Variants in CTNND1 observed in about 807,000 individuals in gnomAD.
CTNND1 encodes catenin delta-1.
Under a neutral mutation model 112.1 loss-of-function variants are expected in CTNND1, and 16 were observed. The observed-to-expected ratio is 0.14, with a 90% CI of 0.10 to 0.22. CTNND1 has a LOEUF of 0.22. CTNND1 is among the 10% of genes least tolerant of loss of function. The probability of loss-of-function intolerance (pLI) is 1.00; values close to 1 mark genes in which losing one functional copy is unlikely to be tolerated. For synonymous variants in CTNND1, 420 were observed against 446.5 expected (o/e 0.94, Z 0.75); for missense variants, 1,008 against 1,257.0 (o/e 0.80, Z 3.00).
intron 1 of CTNND1, among the ~76,000 whole-genome samples, chr11:57,779,226 C>G (rs988091866): frequency 1.3e-5 from 2 of 152,168 alleles, no homozygotes; most frequent in Non-Finnish European, 2.9e-5. Context: ...CTACTGCATA[C>G]AGATCAGGAG....
At chr11:57,776,871 CTCTG>C (rs1163675345) in intron 1 of CTNND1, among the ~76,000 whole-genome samples, 4 of 152,178 alleles carry the variant, frequency 2.6e-5, no homozygotes, top group African/African-American at 9.7e-5. Flanking sequence ...GTGTTCAGTT[CTCTG>C]TCTGGGGTGT....
rs1269031633 is a variant in CTNND1 at position 57,809,255 on chromosome 11, A to G, written c.2243-19A>G. The G allele has an allele frequency of 6.3e-7, 1 of 1,595,448 alleles. No homozygotes were observed. Among genetic ancestry groups the G allele is most frequent in the Non-Finnish European group, 8.6e-7 (1 of 1,164,466 alleles). ...ACCTGACTTGATCTTTTCTCCCTGC[A>G]TACATTCTTTCTTACTAGGTAAACA... On this transcript the variant is annotated intron_variant, in intron 14 of 20. Coordinates refer to ENST00000399050, the MANE Select transcript of CTNND1 (RefSeq NM_001085458.2).
At position 57,806,459 on chromosome 11, in the gene CTNND1, A is replaced by G; in HGVS notation, c.1877-2A>G. 1 of 1,603,304 alleles carries G rather than the reference A, an allele frequency of 6.2e-7. No homozygotes were observed. The highest frequency in any genetic ancestry group is 8.5e-7 in the Non-Finnish European group (1 of 1,174,186). Reference sequence around the variant, plus strand: ...TTTCTACCTTGGGTGATGCACTGGAAGATGAGTGGTTCTCCAGAGGTGAGT... The same window carrying G: ...TTTCTACCTTGGGTGATGCACTGGAGGATGAGTGGTTCTCCAGAGGTGAGT... On this transcript the variant is annotated splice_acceptor_variant, in intron 10 of 20. Transcript: ENST00000399050. LOFTEE classifies it high-confidence loss of function.
intron 1 of CTNND1, among the ~76,000 whole-genome samples, chr11:57,775,421 T>A (rs1312273057): frequency 6.6e-6 from 1 of 150,662 alleles, no homozygotes; most frequent in Non-Finnish European, 1.5e-5. Flanking sequence ...GACGAGAAGG[T>A]CGTTAATTTG....
At chr11:57,811,047 C>CAG in intron 16 of CTNND1, among the ~76,000 whole-genome samples, 1 of 152,082 alleles carries the variant, frequency 6.6e-6, no homozygotes, top group South Asian at 2.1e-4. Context: ...CTCAGGTATC[C>CAG]CTCTATGTCA....
At chr11:57,811,687 A>G (rs913149845) in intron 17 of CTNND1, among the ~76,000 whole-genome samples, 1 of 152,254 alleles carries the variant, frequency 6.6e-6, no homozygotes, top group Non-Finnish European at 1.5e-5. Context: ...ATTAGCCTGA[A>G]TGTGATTCCT....
At chr11:57,763,534 C>G (rs1197528788) in intron 1 of CTNND1, among the ~76,000 whole-genome samples, 1 of 152,122 alleles carries the variant, frequency 6.6e-6, no homozygotes, top group Non-Finnish European at 1.5e-5. Flanking sequence ...CTTTGTTCCT[C>G]CTTCAAATAC....
Position 57,788,969 on chromosome 11 carries a change from T to C in CTNND1, c.-213-68T>C. 1 of 1,121,124 alleles carries C rather than the reference T, an allele frequency of 8.9e-7. No homozygotes were observed. Among genetic ancestry groups the C allele is most frequent in the South Asian group, 1.3e-5 (1 of 75,262 alleles). 69.4% of individuals were successfully genotyped at this position (1,121,124 alleles called of 1,614,324 possible). A position where few individuals can be genotyped will look rare whatever the true frequency, so the allele number is the denominator to read the frequency against. ...TTCCTAATATTGCCCCTTGCTCTTCTTGTTTTTATGTATTGGGTATATTTT... is the reference window on the plus strand; with the variant it reads ...TTCCTAATATTGCCCCTTGCTCTTCCTGTTTTTATGTATTGGGTATATTTT... On this transcript the variant is annotated intron_variant, in intron 1 of 20. Transcript: ENST00000399050. This position sits in a 1 kb window ranked among gnomAD's most constrained non-coding sequence, Gnocchi z 4.1.
chr11:57,766,273 G>C (rs1951050922), intron 1 of CTNND1, among the ~76,000 whole-genome samples: 1 of 152,148 alleles, frequency 6.6e-6, no homozygotes, highest in African/African-American at 2.4e-5. Context: ...TGGTTTCTGT[G>C]CTTGTTAATA....
intron 14 of CTNND1, 112 bp from the exon 15 acceptor site, chr11:57,809,162 G>T: frequency 1.4e-6 from 1 of 727,656 alleles, no homozygotes; most frequent in South Asian, 1.9e-5. Flanking sequence ...TAATGAAGTT[G>T]ATTCATGTGG....
chr11:57,795,977 C>T (rs954607061), intron 5 of CTNND1, among the ~76,000 whole-genome samples: 12 of 152,020 alleles, frequency 7.9e-5, no homozygotes, highest in Non-Finnish European at 1.2e-4. Flanking sequence ...GGGCAATTTT[C>T]CTGCTTGGGG....
At chr11:57,805,175 A>G (rs187377810) in intron 9 of CTNND1, among the ~76,000 whole-genome samples, 68 of 152,378 alleles carry the variant, frequency 4.5e-4, no homozygotes, top group Non-Finnish European at 7.1e-4. Context: ...TTGGGATTAC[A>G]GGCGTGAGCC....
At chr11:57,795,867 G>A in intron 5 of CTNND1, 138 bp downstream of exon 5, 1 of 955,800 alleles carries the variant, frequency 1.0e-6, no homozygotes, top group South Asian at 2.0e-5. Flanking sequence ...TCTCTGGCCA[G>A]ATAGAAAGGA....
chr11:57,810,820 G>A (rs527803634), intron 16 of CTNND1, among the ~76,000 whole-genome samples: 92 of 152,030 alleles, frequency 6.1e-4, no homozygotes, highest in African/African-American at 2.2e-3. Context: ...AGCCAGGCGT[G>A]GTGTTGTTTG....
chr11:57,813,643 T>C (rs890987945), intron 17 of CTNND1, among the ~76,000 whole-genome samples: 4 of 152,202 alleles, frequency 2.6e-5, no homozygotes, highest in Non-Finnish European at 5.9e-5. Flanking sequence ...ATAACCACAA[T>C]TATCTGAAAA....
intron 1 of CTNND1, among the ~76,000 whole-genome samples, chr11:57,765,528 G>A (rs539394563): frequency 7.8e-5 from 11 of 141,262 alleles, no homozygotes; most frequent in African/African-American, 2.9e-4. Flanking sequence ...GTGCAGTGGT[G>A]AAATCATGGC....
chr11:57,809,433 G>T lies in CTNND1; in HGVS notation c.2402G>T (p.Gly801Val), dbSNP rs765155573. 6.2e-7 allele frequency: 1 copy of T among 1,613,222 alleles called. No homozygotes were observed. Among genetic ancestry groups the T allele is most frequent in the African/African-American group, 1.3e-5 (1 of 74,926 alleles). Residue 801 changes from glycine (G) to valine (V), a missense_variant, in exon 15 of 21, where the codon GGT becomes GTT. By Grantham distance (109) the Gly-to-Val change is moderately radical. Transcript: ENST00000399050. Reference protein sequence around the residue: ...EAAKKLRETQGIEKLVLINKS... With the variant: ...EAAKKLRETQVIEKLVLINKS... ...GCCAAAAAGCTTCGAGAGACACAGG[G>T]TATTGAGAAGCTGGTGTTGATCAAC...
At chr11:57,807,138 T>A (rs542267781) in intron 12 of CTNND1, among the ~76,000 whole-genome samples, 155 bp downstream of exon 12, 1 of 152,322 alleles carries the variant, frequency 6.6e-6, no homozygotes, top group South Asian at 2.1e-4. Flanking sequence ...GGAAGCTGCA[T>A]AGTATTATAG....
At chr11:57,815,790 G>T (rs2063900770) in intron 19 of CTNND1, 125 bp from the exon 20 acceptor site, 1 of 817,612 alleles carries the variant, frequency 1.2e-6, no homozygotes, top group South Asian at 1.5e-5. Context: ...TGAATGTTTT[G>T]CCCTTCTCTT....
Sources: gnomAD v4.1 joint callset for allele counts (sites outside exome capture counted in the v4.1 genomes callset) on GRCh38, gnomAD v4.1.1 for gene constraint, Gnocchi (gnomAD v3.1) non-coding constraint, MANE v1.5 for transcripts, NCBI Gene and HGNC (gene_info 2026-07-23, HGNC 2026-07-21) for gene names.